RPGRIP1L: variants seen among roughly 807,000 people sequenced by gnomAD.
RPGRIP1L encodes the protein RPGRIP1 like, also known as protein fantom.
RPGRIP1L carries 131 observed loss-of-function variants against 160.4 expected under a neutral mutation model. That is an observed-to-expected ratio of 0.82 (90% CI 0.71 to 0.94). The LOEUF (loss-of-function observed/expected upper bound fraction) is 0.94. Ranked by LOEUF, RPGRIP1L falls within the 40% of genes least tolerant of loss-of-function variation. The probability of loss-of-function intolerance (pLI) is 0.00; values close to 1 mark genes in which losing one functional copy is unlikely to be tolerated. For missense variants in RPGRIP1L, 1,522 were observed against 1,535.8 expected, an observed-to-expected ratio of 0.99 and a Z score of 0.15; for synonymous variants, 510 against 515.8, an observed-to-expected ratio of 0.99 and a Z score of 0.15.
intron 17 of RPGRIP1L, among the ~76,000 whole-genome samples, chr16:53,642,433 GAA>G (rs553105963): frequency 8.8e-4 from 122 of 139,152 alleles, no homozygotes; most frequent in African/African-American, 3.1e-3. Context: ...TGGCTGGCTG[GAA>G]AAAAAAAAAA....
intron 16 of RPGRIP1L, among the ~76,000 whole-genome samples, chr16:53,648,747 T>C (rs1290537076): frequency 1.3e-5 from 2 of 152,154 alleles, no homozygotes; most frequent in African/African-American, 2.4e-5. Flanking sequence ...TCTATAGTTA[T>C]GCAAGACGTT....
chr16:53,639,129 T>C (rs950574786), intron 19 of RPGRIP1L, among the ~76,000 whole-genome samples: 7 of 152,012 alleles, frequency 4.6e-5, no homozygotes, highest in African/African-American at 1.7e-4. Context: ...TATAGTTAGC[T>C]ATTATTCCTG....
chr16:53,611,799 A>G (rs184953109), intron 24 of RPGRIP1L, among the ~76,000 whole-genome samples: 6 of 152,284 alleles, frequency 3.9e-5, no homozygotes, highest in African/African-American at 1.4e-4. Flanking sequence ...TTTCATCCTG[A>G]TTATTTGTTC....
At chr16:53,624,222 T>G (rs180806805) in intron 22 of RPGRIP1L, among the ~76,000 whole-genome samples, 3 of 152,332 alleles carry the variant, frequency 2.0e-5, no homozygotes, top group Admixed American at 2.0e-4. Flanking sequence ...GCCAGAACTA[T>G]GTGAAGCTGC....
intron 24 of RPGRIP1L, among the ~76,000 whole-genome samples, chr16:53,617,689 A>G (rs1212298859): frequency 6.6e-6 from 1 of 152,234 alleles, no homozygotes; most frequent in Non-Finnish European, 1.5e-5. Flanking sequence ...TTCACATAAC[A>G]GTAAAAATTG....
At chr16:53,666,580 GTGTGTGTGTGTGTA>G (rs1968277699) in intron 9 of RPGRIP1L, among the ~76,000 whole-genome samples, 1 of 132,774 alleles carries the variant, frequency 7.5e-6, no homozygotes, top group African/African-American at 2.5e-5. Context: ...GTGTGTGTGT[GTGTGTGTGTGTGTA>G]TATATATATA....
At chr16:53,702,446 C>A (rs1971505041) in intron 1 of RPGRIP1L, among the ~76,000 whole-genome samples, 1 of 152,152 alleles carries the variant, frequency 6.6e-6, no homozygotes, top group Admixed American at 6.5e-5. Flanking sequence ...AAAAACCCTG[C>A]ACAATGCTGC....
intron 3 of RPGRIP1L, chr16:53,695,289 A>T: frequency 1.4e-6 from 1 of 693,902 alleles, no homozygotes. Flanking sequence ...GAAAACAGCC[A>T]TCATCATGAC....
chr16:53,671,817 G>A (rs1197780634), intron 8 of RPGRIP1L, among the ~76,000 whole-genome samples: 1 of 152,028 alleles, frequency 6.6e-6, no homozygotes, highest in South Asian at 2.1e-4. Flanking sequence ...TAGTAGAAAC[G>A]TATGCACTGC....
Position 53,622,299 on chromosome 16 carries a change from A to G in RPGRIP1L, c.3352T>C (p.Phe1118Leu), listed in dbSNP as rs559742485. The G allele has an allele frequency of 1.2e-5, 8 of 653,802 alleles. No homozygotes were observed. The East Asian group carries it at 2.3e-4, about 19-fold the overall frequency. 40.5% of individuals were successfully genotyped at this position (653,802 alleles called of 1,614,324 possible). The change falls in exon 23 of 27, where the codon TTC becomes CTC. Residue 1118 changes from phenylalanine to leucine, a missense_variant. Phe to Leu is a conservative substitution (Grantham distance 22). Transcript: ENST00000647211. The stretch of plus-strand genomic sequence containing the variant: ...AAATCGCTGGAACCCGGGAGGCGGA[A>G]GTTGCAGTGAGCTGAGATCGCGCTA... Reference protein sequence around the residue: ...CSSAISAHCNFRLPGSSDFPA... With the variant: ...CSSAISAHCNLRLPGSSDFPA...
chr16:53,670,513 C>G (rs1296198357), intron 9 of RPGRIP1L, among the ~76,000 whole-genome samples: 1 of 152,036 alleles, frequency 6.6e-6, no homozygotes, highest in Non-Finnish European at 1.5e-5. Context: ...ATATCTGTAT[C>G]ACTTAACCAA....
chr16:53,625,505 C>T (rs1489581466), intron 22 of RPGRIP1L, among the ~76,000 whole-genome samples: 2 of 146,160 alleles, frequency 1.4e-5, no homozygotes, highest in African/African-American at 5.1e-5. Context: ...CCAGCGGCCG[C>T]CCCGTCTAGG....
At chr16:53,650,354 T>C (rs1966843073) in intron 15 of RPGRIP1L, among the ~76,000 whole-genome samples, 1 of 152,192 alleles carries the variant, frequency 6.6e-6, no homozygotes. Flanking sequence ...AGACACACTA[T>C]GACAGAAGTC....
rs2151124212 is a variant in RPGRIP1L, at chr16:53,652,527, G to C, written c.2152+8C>G. On this transcript the variant is annotated splice_region_variant and intron_variant, in intron 15 of 26. Coordinates refer to ENST00000647211, the MANE Select transcript of RPGRIP1L (RefSeq NM_015272.5). The stretch of plus-strand genomic sequence containing the variant: ...TTCAAACACCCAAGGCTTATACATT[G>C]TACTTACCAATCAAACTTGCTGTAC... 3 of 1,605,860 alleles carry C rather than the reference G, an allele frequency of 1.9e-6. No homozygotes were observed. The highest frequency in any genetic ancestry group is 1.7e-5 in the Admixed American group (1 of 59,966).
In RPGRIP1L at chr16:53,702,553, T is replaced by A. The variant is rs561309359; in HGVS notation, c.-8+1250A>T. 3.9e-5 allele frequency among the ~76,000 whole-genome samples: 6 copies of A among 152,370 alleles called. No individual in the cohort carries two copies. In the South Asian group the frequency reaches 1.2e-3, roughly 32 times the overall value. ...TCCTCGAACCCCCCATACCCTTGTC[T>A]TGCTCAAGGCCTTTGTATTAGCTGG... On this transcript the variant is annotated intron_variant, in intron 1 of 26. Coordinates refer to ENST00000647211, the MANE Select transcript of RPGRIP1L (RefSeq NM_015272.5).
chr16:53,658,523 T>G, intron 11 of RPGRIP1L, 59 bp from the exon 12 acceptor site: 1 of 1,312,008 alleles, frequency 7.6e-7, no homozygotes, highest in South Asian at 1.2e-5. Flanking sequence ...CAAGAGACAT[T>G]CCAAGTATTC....
At chr16:53,702,066 AAAT>A (rs1274621562) in intron 1 of RPGRIP1L, among the ~76,000 whole-genome samples, 5 of 152,146 alleles carry the variant, frequency 3.3e-5, no homozygotes, top group East Asian at 3.9e-4. Context: ...GTCACTTTAA[AAAT>A]AATAATGATG....
intron 18 of RPGRIP1L, 65 bp downstream of exon 18, chr16:53,641,220 T>C (rs1966196729): frequency 1.3e-6 from 2 of 1,538,692 alleles, no homozygotes; most frequent in Non-Finnish European, 1.8e-6. Context: ...GGTGGCAGCT[T>C]AGTTCTTAAG....
intron 7 of RPGRIP1L, 58 bp downstream of exon 7, chr16:53,674,959 C>T: frequency 8.6e-7 from 1 of 1,162,962 alleles, no homozygotes. Flanking sequence ...AACTTGAATA[C>T]TACTTTTGAA....
Sources: gnomAD v4.1 joint callset for allele counts (sites outside exome capture counted in the v4.1 genomes callset) on GRCh38, gnomAD v4.1.1 for gene constraint, MANE v1.5 for transcripts, NCBI Gene and HGNC (gene_info 2026-07-23, HGNC 2026-07-21) for gene names.